Variants in CTCF observed in about 807,000 individuals in gnomAD.
CTCF encodes transcriptional repressor CTCF.
Under a neutral mutation model 72.3 loss-of-function variants are expected in CTCF, and 7 were observed. That is an observed-to-expected ratio of 0.10 (90% CI 0.06 to 0.18). The LOEUF (loss-of-function observed/expected upper bound fraction) is 0.18, where lower values mean the gene tolerates loss of function less well. Among genes scored for constraint, CTCF ranks in the 10% least tolerant of loss-of-function variants. The probability of loss-of-function intolerance (pLI) is 1.00; values close to 1 mark genes in which losing one functional copy is unlikely to be tolerated. For missense variants in CTCF, 516 were observed against 949.1 expected (o/e 0.54, Z 6.00); for synonymous variants, 374 against 315.8 (o/e 1.18, Z -1.95).
At chr16:67,593,037 T>C (rs868031224) in intron 2 of CTCF, among the ~76,000 whole-genome samples, 1 of 148,282 alleles carries the variant, frequency 6.7e-6, no homozygotes, top group African/African-American at 2.5e-5. Context: ...AAAAAAAAAA[T>C]TTATATATAT....
intron 7 of CTCF, among the ~76,000 whole-genome samples, chr16:67,625,516 A>G (rs996128606): frequency 1.4e-4 from 21 of 152,180 alleles, no homozygotes; most frequent in African/African-American, 5.1e-4. Flanking sequence ...AGACTTCTCA[A>G]AGCATGACCC....
chr16:67,636,969 T>C, intron 11 of CTCF, 118 bp downstream of exon 11: 2 of 945,458 alleles, frequency 2.1e-6, no homozygotes, highest in African/African-American at 1.7e-5. Flanking sequence ...GTTAAGGGCA[T>C]GTCGAGAACA....
chr16:67,591,163 C>G (rs962581349), intron 2 of CTCF, among the ~76,000 whole-genome samples: 9 of 151,822 alleles, frequency 5.9e-5, no homozygotes, highest in Non-Finnish European at 1.0e-4. Flanking sequence ...CGTGGTGATG[C>G]GTGCCTGTAA....
intron 10 of CTCF, among the ~76,000 whole-genome samples, 189 bp downstream of exon 10, chr16:67,629,722 C>T (rs1310804961): frequency 2.6e-4 from 20 of 76,062 alleles, no homozygotes; most frequent in Middle Eastern, 9.4e-3. Context: ...CTTTTTTCTT[C>T]GTGGCATTCC....
At chr16:67,608,766 C>T (rs567251831) in intron 2 of CTCF, among the ~76,000 whole-genome samples, 60 of 149,266 alleles carry the variant, frequency 4.0e-4, no homozygotes, top group African/African-American at 1.4e-3. Context: ...GACGGAGTTT[C>T]GTTCTTGTTG....
intron 1 of CTCF, among the ~76,000 whole-genome samples, chr16:67,565,764 C>T (rs1431241604): frequency 2.0e-5 from 3 of 151,330 alleles, no homozygotes; most frequent in Non-Finnish European, 4.4e-5. Flanking sequence ...GTGAAGTTGT[C>T]CTTAAGATGC....
chr16:67,630,152 T>G (rs2052345555), intron 10 of CTCF, among the ~76,000 whole-genome samples: 1 of 152,192 alleles, frequency 6.6e-6, no homozygotes, highest in Non-Finnish European at 1.5e-5. Context: ...ATTTGTGATA[T>G]TCTAAGGCCA....
At chr16:67,629,274 T>C in intron 9 of CTCF, 124 bp from the exon 10 acceptor site, 1 of 872,014 alleles carries the variant, frequency 1.1e-6, no homozygotes, top group East Asian at 2.7e-5. Flanking sequence ...GACAGCGTGT[T>C]CAGGACACAC....
At chr16:67,606,263 T>C (rs2051971439) in intron 2 of CTCF, among the ~76,000 whole-genome samples, 1 of 152,170 alleles carries the variant, frequency 6.6e-6, no homozygotes, top group African/African-American at 2.4e-5. Context: ...ACCTTTCCCC[T>C]ACAGAATACA....
chr16:67,577,461 G>A (rs1382367836), intron 2 of CTCF, among the ~76,000 whole-genome samples: 3 of 149,650 alleles, frequency 2.0e-5, no homozygotes, highest in African/African-American at 4.9e-5. Flanking sequence ...TTTTTGAGAT[G>A]GAGTCTCGCT....
chr16:67,570,243 AT>A (rs1160011101), intron 1 of CTCF, among the ~76,000 whole-genome samples: 2 of 151,340 alleles, frequency 1.3e-5, no homozygotes, highest in African/African-American at 2.4e-5. Context: ...CACCCGGCTA[AT>A]TTTTTTCTTT....
At chr16:67,620,905 T>C in intron 6 of CTCF, 88 bp downstream of exon 6, 1 of 1,097,510 alleles carries the variant, frequency 9.1e-7, no homozygotes, top group Non-Finnish European at 1.3e-6. Flanking sequence ...GTCCCCATTG[T>C]TTATATGAAT....
intron 1 of CTCF, among the ~76,000 whole-genome samples, chr16:67,569,210 CAG>C (rs1291775615): frequency 6.6e-6 from 1 of 150,904 alleles, no homozygotes; most frequent in Non-Finnish European, 1.5e-5. Flanking sequence ...TTTTTTGAGA[CAG>C]AGTCTCACTC....
intron 2 of CTCF, among the ~76,000 whole-genome samples, chr16:67,601,611 G>T (rs2051893198): frequency 6.6e-6 from 1 of 152,032 alleles, no homozygotes; most frequent in African/African-American, 2.4e-5. Flanking sequence ...AGTGTATTGA[G>T]AGGCTGATGG....
intron 2 of CTCF, among the ~76,000 whole-genome samples, chr16:67,581,551 T>G (rs1567595226): frequency 6.6e-6 from 1 of 152,044 alleles, no homozygotes; most frequent in Non-Finnish European, 1.5e-5. Context: ...TTGTCCAGTC[T>G]GGAGTGTGGT....
chr16:67,608,502 T>A (rs144645992), intron 2 of CTCF, among the ~76,000 whole-genome samples: 1 of 152,154 alleles, frequency 6.6e-6, no homozygotes, highest in Non-Finnish European at 1.5e-5. Context: ...GAGTTTGGCT[T>A]CAAAAAACAA....
chr16:67,607,559 G>T (rs1420359649), intron 2 of CTCF, among the ~76,000 whole-genome samples: 6 of 151,922 alleles, frequency 3.9e-5, no homozygotes, highest in Non-Finnish European at 8.8e-5. Context: ...ACCAGCCTTG[G>T]CCTCCCAAAG....
intron 1 of CTCF, among the ~76,000 whole-genome samples, chr16:67,566,779 C>A (rs1051401072): frequency 1.3e-5 from 2 of 152,004 alleles, no homozygotes; most frequent in Non-Finnish European, 2.9e-5. Flanking sequence ...CGGGGTTTCA[C>A]CGTGTTAGCA....
chr16:67,629,438 A>G lies in CTCF; in HGVS notation c.1742A>G (p.Asp581Gly). The G allele has an allele frequency of 6.2e-7, 1 of 1,610,374 alleles. No individual in the cohort carries two copies. Among genetic ancestry groups the G allele is most frequent in the South Asian group, 1.1e-5 (1 of 90,282 alleles). Residue 581 changes from aspartate (D) to glycine (G), a missense_variant, in exon 10 of 12, where the codon GAT becomes GGT. Transcript: ENST00000264010. ...ARHADNCAGP[D>G]GVEGENGGET... ...CATGCTGATAATTGTGCTGGCCCAG[A>G]TGGCGTAGAGGGGGAAAATGGAGGA... is the stretch of plus-strand genomic sequence containing the variant.
Sources: gnomAD v4.1 joint callset for allele counts (sites outside exome capture counted in the v4.1 genomes callset) on GRCh38, gnomAD v4.1.1 for gene constraint, MANE v1.5 for transcripts, NCBI Gene and HGNC (gene_info 2026-07-23, HGNC 2026-07-21) for gene names.